PCDH15: variants seen among roughly 807,000 people sequenced by gnomAD.
PCDH15 encodes protocadherin-15.
PCDH15 carries 129 observed loss-of-function variants against 178.5 expected under a neutral mutation model. That is an observed-to-expected ratio of 0.72 (90% CI 0.63 to 0.84). PCDH15 has a LOEUF of 0.84. Among genes scored for constraint, PCDH15 ranks in the 40% least tolerant of loss-of-function variants. The pLI, the probability that PCDH15 is intolerant of heterozygous loss-of-function variation, is 0.00. For missense variants in PCDH15, 2,230 were observed against 2,099.9 expected (o/e 1.06, Z -1.21); for synonymous variants, 800 against 732.0 (o/e 1.09, Z -1.50).
At chr10:54,518,514 G>A (rs559720341) in intron 3 of PCDH15, among the ~76,000 whole-genome samples, 1 of 151,738 alleles carries the variant, frequency 6.6e-6, no homozygotes, top group Admixed American at 6.5e-5. Flanking sequence ...AAACCAGGAA[G>A]AAGTTGAATC....
intron 28 of PCDH15, among the ~76,000 whole-genome samples, chr10:53,843,397 TCA>T (rs2077778071): frequency 6.7e-6 from 1 of 149,798 alleles, no homozygotes; most frequent in African/African-American, 2.5e-5. Context: ...ATAAATTTCC[TCA>T]CATATATACA....
At chr10:54,815,095 G>A (rs1311656687) in intron 3 of PCDH15, among the ~76,000 whole-genome samples, 1 of 151,518 alleles carries the variant, frequency 6.6e-6, no homozygotes, top group African/African-American at 2.4e-5. Flanking sequence ...TAAGGGTTTG[G>A]ACTGTGCAGG....
chr10:54,275,932 CAATT>C (rs2058328652), intron 8 of PCDH15, among the ~76,000 whole-genome samples: 1 of 151,676 alleles, frequency 6.6e-6, no homozygotes. Flanking sequence ...ATATTTCAGA[CAATT>C]AATTATTTAT....
At chr10:55,045,300 T>G (rs1291478440) in intron 2 of PCDH15, among the ~76,000 whole-genome samples, 1 of 152,112 alleles carries the variant, frequency 6.6e-6, no homozygotes, top group Non-Finnish European at 1.5e-5. Context: ...TTGTTCTTTA[T>G]TCATTTTATC....
intron 1 of PCDH15, among the ~76,000 whole-genome samples, chr10:54,794,531 T>C (rs1190940242): frequency 6.6e-6 from 1 of 151,890 alleles, no homozygotes; most frequent in Admixed American, 6.6e-5. Flanking sequence ...TAGCTAATGT[T>C]CCAAATGGAG....
chr10:55,011,684 A>G (rs1034590088), intron 2 of PCDH15, among the ~76,000 whole-genome samples: 1 of 152,142 alleles, frequency 6.6e-6, no homozygotes, highest in Non-Finnish European at 1.5e-5. Flanking sequence ...TTAGGAAATA[A>G]TGGGGAAGAA....
intron 4 of PCDH15, among the ~76,000 whole-genome samples, chr10:54,375,963 TG>T (rs35620380): frequency 0.43 from 64,562 of 150,464 alleles, 15,022 homozygotes; most frequent in East Asian, 0.91. Flanking sequence ...GGTGTGATCT[TG>T]GTTCACTGCA....
intron 6 of PCDH15, among the ~76,000 whole-genome samples, chr10:54,335,259 A>T (rs1007933788): frequency 6.6e-6 from 1 of 152,230 alleles, no homozygotes; most frequent in Non-Finnish European, 1.5e-5. Context: ...CTGTTAAAAC[A>T]TGTCCCTGGC....
intron 2 of PCDH15, among the ~76,000 whole-genome samples, chr10:54,968,018 G>A (rs755522136): frequency 1.3e-5 from 2 of 152,066 alleles, no homozygotes; most frequent in African/African-American, 4.8e-5. Flanking sequence ...AGGTATTGGG[G>A]GTTATAGTTT....
chr10:54,636,981 C>A (rs2093869074), intron 2 of PCDH15, among the ~76,000 whole-genome samples: 1 of 151,880 alleles, frequency 6.6e-6, no homozygotes. Flanking sequence ...TTGTGATTCT[C>A]CCAAGTATAT....
chr10:54,865,203 A>G lies in PCDH15; in HGVS notation c.-29+32247T>C, dbSNP rs1317986415. Among the ~76,000 whole-genome samples the G allele has an allele frequency of 2.0e-5, 3 of 152,288 alleles. No homozygotes were observed. The East Asian group carries it at 5.8e-4, about 29-fold the overall frequency. On this transcript the variant is annotated intron_variant, in intron 3 of 5. Coordinates refer to the PCDH15 transcript ENST00000458638. ...CCTCACTCTGGGTAGGCACCATCCAATCAGCTGCCAGTGTGGCTAGAACAA... is the reference window on the plus strand; with the variant it reads ...CCTCACTCTGGGTAGGCACCATCCAGTCAGCTGCCAGTGTGGCTAGAACAA...
At chr10:54,173,748 A>G (rs1366325289) in intron 13 of PCDH15, among the ~76,000 whole-genome samples, 1 of 152,170 alleles carries the variant, frequency 6.6e-6, no homozygotes, top group Non-Finnish European at 1.5e-5. Context: ...AAAATTGACA[A>G]TAATTTTATT....
intron 1 of PCDH15, among the ~76,000 whole-genome samples, chr10:54,766,779 A>G (rs1566176809): frequency 1.3e-5 from 2 of 152,050 alleles, no homozygotes; most frequent in East Asian, 3.9e-4. Flanking sequence ...AATACAAAAA[A>G]TTAGCCAGGC....
chr10:54,643,387 G>A (rs1031902447), intron 2 of PCDH15, among the ~76,000 whole-genome samples: 7 of 152,170 alleles, frequency 4.6e-5, no homozygotes, highest in African/African-American at 1.4e-4. Flanking sequence ...TGAAAGCAAA[G>A]ATATGTTTTC....
At chr10:55,523,362 T>C (rs921400848) in intron 2 of PCDH15, among the ~76,000 whole-genome samples, 2 of 151,596 alleles carry the variant, frequency 1.3e-5, no homozygotes, top group African/African-American at 4.8e-5. Context: ...AATTAAAAAA[T>C]TAATAATATC....
At chr10:53,905,230 T>C (rs755021630) in intron 25 of PCDH15, 1 of 518,906 alleles carries the variant, frequency 1.9e-6, no homozygotes, top group Non-Finnish European at 3.8e-6. Flanking sequence ...CTGTCGTGTC[T>C]TTCTAATGTG....
chr10:54,494,050 C>T (rs2079870706), intron 3 of PCDH15, among the ~76,000 whole-genome samples: 1 of 135,094 alleles, frequency 7.4e-6, no homozygotes, highest in Non-Finnish European at 1.5e-5. Flanking sequence ...AACACATGGA[C>T]ACAGGAAGGG....
intron 2 of PCDH15, among the ~76,000 whole-genome samples, chr10:55,553,189 T>C (rs2132090024): frequency 6.6e-6 from 1 of 151,442 alleles, no homozygotes; most frequent in Admixed American, 6.6e-5. Context: ...TCATTTACTC[T>C]TTTCTACCGC....
At chr10:53,984,148 C>CTTTTTTTTTTTTT (rs66540462) in intron 21 of PCDH15, among the ~76,000 whole-genome samples, 86 of 63,516 alleles carry the variant, frequency 1.4e-3, no homozygotes, top group East Asian at 4.2e-3. Context: ...TTTTTCTTTT[C>CTTTTTTTTTTTTT]TTTTTTTTTT....
Sources: gnomAD v4.1 joint callset for allele counts (sites outside exome capture counted in the v4.1 genomes callset) on GRCh38, gnomAD v4.1.1 for gene constraint, MANE v1.5 for transcripts, NCBI Gene and HGNC (gene_info 2026-07-23, HGNC 2026-07-21) for gene names.